The following GASK1B variants were observed in gnomAD, a reference collection of about 807,000 sequenced individuals.
GASK1B encodes golgi associated kinase 1B, also known as Golgi-associated kinase 1B.
GASK1B carries 34 observed loss-of-function variants against 42.8 expected under a neutral mutation model. The ratio of observed to expected loss-of-function variants is 0.79; its 90% confidence interval spans 0.60 to 1.06. GASK1B has a LOEUF of 1.06. Ranked by LOEUF, GASK1B falls within the 50% of genes least tolerant of loss-of-function variation. GASK1B has a pLI of 0.00. For synonymous variants in GASK1B, 262 were observed against 259.1 expected (o/e 1.01, Z -0.11); for missense variants, 686 against 661.0 (o/e 1.04, Z -0.42).
intron 1 of GASK1B, among the ~76,000 whole-genome samples, 151 bp from the exon 2 acceptor site, chr4:158,171,750 A>C (rs1488200823): frequency 6.6e-6 from 1 of 152,226 alleles, no homozygotes; most frequent in East Asian, 1.9e-4. Flanking sequence ...TGCAAACGAG[A>C]TAGATGTATA....
intron 3 of GASK1B, among the ~76,000 whole-genome samples, chr4:158,149,125 G>T (rs370253718): frequency 1.3e-5 from 2 of 152,048 alleles, no homozygotes; most frequent in South Asian, 2.1e-4. Flanking sequence ...ATCATTGACA[G>T]CCTACAATCC....
intron 4 of GASK1B, among the ~76,000 whole-genome samples, chr4:158,129,000 G>T (rs1350104317): frequency 6.6e-6 from 1 of 152,108 alleles, no homozygotes; most frequent in East Asian, 1.9e-4. Flanking sequence ...TCTCTTTAGT[G>T]GCTAATCCTT....
At chr4:158,166,233 C>T (rs1732225789) in intron 2 of GASK1B, among the ~76,000 whole-genome samples, 1 of 152,148 alleles carries the variant, frequency 6.6e-6, no homozygotes. Context: ...ACCAGTAAGT[C>T]CACTAATTTC....
Position 158,147,901 on chromosome 4 carries a change from G to A in GASK1B, c.1125+7710C>T, listed in dbSNP as rs137992097. 1.8e-3 allele frequency among the ~76,000 whole-genome samples: 278 copies of A among 152,276 alleles called. 1 individual carries two copies. Among genetic ancestry groups the A allele is most frequent in the African/African-American group, 6.4e-3 (265 of 41,562 alleles). ...GATTTGAATGAGCAATTCACAGAAAGTAAAATATAAATAATCAATAAATAT... is the reference window on the plus strand; with the variant it reads ...GATTTGAATGAGCAATTCACAGAAAATAAAATATAAATAATCAATAAATAT... On this transcript the variant is annotated intron_variant, in intron 3 of 4. Coordinates refer to ENST00000585682, the MANE Select transcript of GASK1B (RefSeq NM_001128424.2).
chr4:158,163,111 C>T lies in GASK1B; in HGVS notation c.911-7286G>A, dbSNP rs186964167. On this transcript the variant is annotated intron_variant, in intron 2 of 4. Coordinates refer to ENST00000585682, the MANE Select transcript of GASK1B (RefSeq NM_001128424.2). ...CTAGCACTCCACAAATAAGAGATCT[C>T]GTTATTATCCACTATAAGCTCCAAG... Among the ~76,000 whole-genome samples, 262 of 152,238 alleles carry T rather than the reference C, an allele frequency of 1.7e-3. 2 individuals carry two copies. The highest frequency in any genetic ancestry group is 1.9e-3 in the Non-Finnish European group (126 of 68,010).
intron 3 of GASK1B, among the ~76,000 whole-genome samples, chr4:158,141,814 A>G (rs183597040): frequency 4.5e-4 from 68 of 150,596 alleles, no homozygotes; most frequent in Admixed American, 8.6e-4. Flanking sequence ...TCACTGTGTT[A>G]GCCAGGATGG....
At chr4:158,150,260 G>A (rs1731507268) in intron 3 of GASK1B, among the ~76,000 whole-genome samples, 1 of 152,134 alleles carries the variant, frequency 6.6e-6, no homozygotes, top group South Asian at 2.1e-4. Context: ...GCACACCAGA[G>A]AATATCTCCC....
intron 4 of GASK1B, among the ~76,000 whole-genome samples, chr4:158,129,775 A>G (rs1342571570): frequency 2.0e-5 from 3 of 152,116 alleles, no homozygotes; most frequent in Admixed American, 1.3e-4. Context: ...CTATTTTACC[A>G]AAGAACCCTC....
At chr4:158,162,519 G>A (rs1732061764) in intron 2 of GASK1B, among the ~76,000 whole-genome samples, 1 of 152,192 alleles carries the variant, frequency 6.6e-6, no homozygotes, top group Non-Finnish European at 1.5e-5. Context: ...CTAGTAAGGT[G>A]TAATTTCACT....
intron 2 of GASK1B, among the ~76,000 whole-genome samples, chr4:158,162,940 A>G (rs182256301): frequency 1.5e-4 from 23 of 152,334 alleles, no homozygotes; most frequent in Middle Eastern, 3.4e-3. Context: ...CCATGTCTGT[A>G]TCCCAGCCCT....
chr4:158,155,843 C>G lies in GASK1B; in HGVS notation c.911-18G>C. 1 of 1,609,500 alleles carries G rather than the reference C, an allele frequency of 6.2e-7. No individual in the cohort carries two copies. Among genetic ancestry groups the G allele is most frequent in the Non-Finnish European group, 8.5e-7 (1 of 1,176,250 alleles). ...GCGGCCATCTATAGAATCAGAAAAA[C>G]AAACACACTTTCAGCACACTATTGA... On this transcript the variant is annotated intron_variant, in intron 2 of 4. Coordinates refer to ENST00000585682, the MANE Select transcript of GASK1B (RefSeq NM_001128424.2).
chr4:158,132,410 CAACA>C (rs1362907551), intron 3 of GASK1B, among the ~76,000 whole-genome samples: 1 of 152,164 alleles, frequency 6.6e-6, no homozygotes, highest in South Asian at 2.1e-4. Flanking sequence ...TTCATTTATC[CAACA>C]AACAGTTATT....
chr4:158,137,407 G>A (rs1172639593), intron 3 of GASK1B, among the ~76,000 whole-genome samples: 1 of 151,668 alleles, frequency 6.6e-6, no homozygotes, highest in Non-Finnish European at 1.5e-5. Context: ...GAAAAAGACA[G>A]TGAGAATCGT....
At chr4:158,131,168 C>T (rs1730670244) in intron 3 of GASK1B, among the ~76,000 whole-genome samples, 156 bp from the exon 4 acceptor site, 1 of 152,180 alleles carries the variant, frequency 6.6e-6, no homozygotes, top group South Asian at 2.1e-4. Flanking sequence ...AGAACAAGTC[C>T]AAGGTTCATA....
intron 2 of GASK1B, among the ~76,000 whole-genome samples, chr4:158,165,465 G>A (rs1016311773): frequency 1.3e-5 from 2 of 152,114 alleles, no homozygotes; most frequent in African/African-American, 2.4e-5. Flanking sequence ...ACATGTGATT[G>A]TTTATGGTAA....
chr4:158,138,410 T>C (rs550147632), intron 3 of GASK1B, among the ~76,000 whole-genome samples: 6 of 152,316 alleles, frequency 3.9e-5, no homozygotes, highest in Admixed American at 3.3e-4. Flanking sequence ...TGAATTGCTA[T>C]TAGGCAATAA....
At chr4:158,167,934 A>G (rs149630020) in intron 2 of GASK1B, among the ~76,000 whole-genome samples, 2 of 152,168 alleles carry the variant, frequency 1.3e-5, no homozygotes, top group African/African-American at 4.8e-5. Flanking sequence ...AAATAGGTGG[A>G]TGGGTAGAGA....
At chr4:158,164,476 G>C (rs1013430905) in intron 2 of GASK1B, among the ~76,000 whole-genome samples, 4 of 152,186 alleles carry the variant, frequency 2.6e-5, no homozygotes, top group Non-Finnish European at 5.9e-5. Flanking sequence ...GCACAGCGCT[G>C]CTTAGAGCCG....
chr4:158,170,334 C>A (rs1430182696), intron 2 of GASK1B, 132 bp downstream of exon 2: 1 of 1,614,052 alleles, frequency 6.2e-7, no homozygotes, highest in East Asian at 2.2e-5. Flanking sequence ...TGGAAAGACA[C>A]GCTGCTGCTG....
Sources: gnomAD v4.1 joint callset for allele counts (sites outside exome capture counted in the v4.1 genomes callset) on GRCh38, gnomAD v4.1.1 for gene constraint, MANE v1.5 for transcripts, NCBI Gene and HGNC (gene_info 2026-07-23, HGNC 2026-07-21) for gene names.